Variants in HOXB2 observed in about 807,000 individuals in gnomAD.
HOXB2 encodes homeobox B2.
HOXB2 carries 14 observed loss-of-function variants against 13.1 expected under a neutral mutation model. The ratio of observed to expected loss-of-function variants is 1.07; its 90% CI spans 0.71 to 1.67. The LOEUF is 1.67. Ranked by LOEUF, HOXB2 falls within the 40% of genes most tolerant of loss-of-function variation. HOXB2 has a pLI of 0.00. For missense variants in HOXB2, 582 were observed against 488.3 expected (o/e 1.19, Z -1.81); for synonymous variants, 261 against 233.1 (o/e 1.12, Z -1.09).
At chr17:48,544,091 G>A in intron 1 of HOXB2, 1 of 985,338 alleles carries the variant, frequency 1.0e-6, no homozygotes, top group Non-Finnish European at 1.2e-6. Flanking sequence ...GCGAGGGTCA[G>A]AAAGATTGTT....
rs747142697 is a variant in HOXB2, at chr17:48,544,940, T to TG, written c.-30dup. The TG allele has an allele frequency of 0.012, 3,252 of 270,540 alleles. 42 individuals carry two copies. Among genetic ancestry groups the TG allele is most frequent in the East Asian group, 0.091 (1,450 of 15,878 alleles). The allele number at this position is 270,540 out of a possible 1,614,324, so 16.8% of individuals were successfully genotyped here. ...TTTCAATGGTGGGGGAGGGGGCTGC[T>TG]GGGGGGGGCGTCAGGAGGGAGGATC... On this transcript the variant is annotated 5_prime_UTR_variant, in exon 1 of 2. Transcript: ENST00000330070.
At position 48,544,498 on chromosome 17, in the gene HOXB2, C is replaced by T. The variant is rs1451516720; in HGVS notation, c.391+23G>A. 1.3e-5 allele frequency: 21 copies of T among 1,584,152 alleles called. No homozygotes were observed. The East Asian group carries it at 4.7e-4, about 36-fold the overall frequency. The stretch of plus-strand genomic sequence containing the variant: ...CCCCCTCTTCTAGCTGCCCCTCACC[C>T]CACCCCCACCACGCTTACCGACCTG... On this transcript the variant is annotated intron_variant, in intron 1 of 1. Transcript: ENST00000330070.
Position 48,544,701 on chromosome 17 carries a change from G to T in HOXB2, c.211C>A (p.Arg71=), listed in dbSNP as rs369619610. ...STLQRPRSQK[R]AEDGPALPPP... Reference sequence around the variant, plus strand: ...GGCAGAGCAGGCCCATCTTCGGCTCGCTTTTGGCTCCTGGGTCTCTGAAGG... The same window carrying T: ...GGCAGAGCAGGCCCATCTTCGGCTCTCTTTTGGCTCCTGGGTCTCTGAAGG... The change falls in exon 1 of 2, where the codon CGA becomes AGA. Residue 71 remains arginine (R), a synonymous_variant. Transcript: ENST00000330070. 1 of 1,613,700 alleles carries T rather than the reference G, an allele frequency of 6.2e-7. No homozygotes were observed. The highest frequency in any genetic ancestry group is 8.5e-7 in the Non-Finnish European group (1 of 1,179,962).
At chr17:48,543,954 G>A (rs1192159195) in intron 1 of HOXB2, 5 of 1,324,466 alleles carry the variant, frequency 3.8e-6, no homozygotes, top group Non-Finnish European at 4.8e-6. Context: ...TCAGGGCAAA[G>A]CATTCAGAGC....
At position 48,544,646 on chromosome 17, in the gene HOXB2, G is replaced by GC; in HGVS notation, c.265dup (p.Ala89GlyfsTer77). 1 of 1,612,120 alleles carries GC rather than the reference G, an allele frequency of 6.2e-7. No homozygotes were observed. Among genetic ancestry groups the GC allele is most frequent in the South Asian group, 1.1e-5 (1 of 90,998 alleles). On this transcript the variant is annotated frameshift_variant, in exon 1 of 2. Coordinates refer to ENST00000330070, the MANE Select transcript of HOXB2 (RefSeq NM_002145.4). LOFTEE classifies it high-confidence loss of function. ...CCAAGGGAACTCGGGGGCCGGGGGG[G>GC]CAGCGGGGAGTGGCGGCGGCGGTGG...
rs546062016 is a variant in HOXB2, at chr17:48,543,448, T to C, written c.691A>G (p.Ser231Gly). Residue 231 changes from serine to glycine, a missense_variant, in exon 2 of 2, where the codon AGC (serine) becomes GGC (glycine). By Grantham distance (56) the Ser-to-Gly change is moderately conservative. Coordinates refer to ENST00000330070, the MANE Select transcript of HOXB2 (RefSeq NM_002145.4). ...CGCGAGGCGGAGGGGCCGCCCGGGC[T>C]GGCCGCGGGTTCCTCGGCAGGGTCG... Reference protein sequence around the residue: ...ICDPAEEPAASPGGPSASRAA... With the variant: ...ICDPAEEPAAGPGGPSASRAA... 1.2e-6 allele frequency: 2 copies of C among 1,603,380 alleles called. No individual in the cohort carries two copies. The highest frequency in any genetic ancestry group is 1.1e-5 in the South Asian group (1 of 90,544).
In HOXB2 at chr17:48,544,892, C is replaced by G; in HGVS notation, c.20G>C (p.Arg7Thr). 1 of 1,589,102 alleles carries G rather than the reference C, an allele frequency of 6.3e-7. No homozygotes were observed. Among genetic ancestry groups the G allele is most frequent in the South Asian group, 1.1e-5 (1 of 89,816 alleles). MNFEFEREIGFINSQPS... is the reference protein window; with the variant it reads MNFEFETEIGFINSQPS... ...CTGGCTGTTTATAAACCCAATCTCC[C>G]TCTCAAATTCAAAATTCATGGCTTT... Residue 7 changes from arginine to threonine, a missense_variant, in exon 1 of 2, where the codon AGG (arginine) becomes ACG (threonine). Transcript: ENST00000330070.
At chr17:48,544,011 G>A in intron 1 of HOXB2, 3 of 1,272,508 alleles carry the variant, frequency 2.4e-6, no homozygotes, top group Non-Finnish European at 3.0e-6. Flanking sequence ...CTTCGGCGCC[G>A]GAACCTCAGA....
chr17:48,544,590 T>A lies in HOXB2; in HGVS notation c.322A>T (p.Ser108Cys). The A allele has an allele frequency of 6.2e-7, 1 of 1,608,902 alleles. No individual in the cohort carries two copies. The change falls in exon 1 of 2, where the codon AGC (serine) becomes TGC (cysteine). Residue 108 changes from serine (S) to cysteine (C), a missense_variant. Physicochemically the swap from Ser to Cys is moderately radical, Grantham distance 112 (BLOSUM62 -1). Transcript: ENST00000330070. ...MKEKKSAKKP[S>C]QSATSPSPAA... ...GGAGAAGGAGACGTGGCGGATTGGC[T>A]GGGTTTCTTGGCGGATTTCTTCTCT...
intron 1 of HOXB2, 171 bp from the exon 2 acceptor site, chr17:48,543,918 T>C: frequency 7.3e-7 from 1 of 1,360,694 alleles, no homozygotes; most frequent in Non-Finnish European, 9.4e-7. Flanking sequence ...CTTCTCTCCC[T>C]CTCTAGTCTA....
In HOXB2 at chr17:48,544,940, TGG is replaced by T; in HGVS notation, c.-31_-30del. ...TTTCAATGGTGGGGGAGGGGGCTGC[TGG>T]GGGGGGCGTCAGGAGGGAGGATCGG... On this transcript the variant is annotated 5_prime_UTR_variant, in exon 1 of 2. Transcript: ENST00000330070. 2.9e-5 allele frequency: 8 copies of T among 271,646 alleles called. No individual in the cohort carries two copies. The highest frequency in any genetic ancestry group is 4.7e-5 in the Non-Finnish European group (8 of 170,450). The allele number at this position is 271,646 out of a possible 1,614,324, so 16.8% of individuals were successfully genotyped here.
rs111979968 is a variant in HOXB2, at chr17:48,544,973, A to AC, written c.-63dup. 1,051,963 of 1,054,520 alleles carry AC rather than the reference A, an allele frequency of 1. 524,712 individuals are homozygous for AC. The highest frequency in any genetic ancestry group is 1 in the African/African-American group (55,630 of 55,696). 65.3% of individuals were successfully genotyped at this position (1,054,520 alleles called of 1,614,324 possible). A position where few individuals can be genotyped will look rare whatever the true frequency, so the allele number is the denominator to read the frequency against. On this transcript the variant is annotated 5_prime_UTR_variant, in exon 1 of 2. Coordinates refer to ENST00000330070, the MANE Select transcript of HOXB2 (RefSeq NM_002145.4). Reference sequence around the variant, plus strand: ...GCGTCAGGAGGGAGGATCGGAAGGGACCCCCCTCCTGCACCCCCCCCGATT... The same window carrying AC: ...GCGTCAGGAGGGAGGATCGGAAGGGACCCCCCCTCCTGCACCCCCCCCGATT...
chr17:48,543,724 C>G lies in HOXB2; in HGVS notation c.415G>C (p.Gly139Arg), dbSNP rs774729706. The change falls in exon 2 of 2, where the codon GGT becomes CGT. Residue 139 changes from glycine (G) to arginine (R), a missense_variant. Transcript: ENST00000330070. ...PADGLGLPEA[G>R]GGGARRLRTA... ...CGCAGCCTGCGCGCCCCGCCGCCAC[C>G]AGCCTCCGGCAGTCCCAGGCCATCT... 4 of 1,606,392 alleles carry G rather than the reference C, an allele frequency of 2.5e-6. No homozygotes were observed. Among genetic ancestry groups the G allele is most frequent in the Non-Finnish European group, 3.4e-6 (4 of 1,176,196 alleles).
Position 48,543,191 on chromosome 17 carries a change from G to A in HOXB2, c.948C>T (p.Leu316=). Residue 316 remains leucine (L), a synonymous_variant, in exon 2 of 2, where the codon CTC becomes CTT. Transcript: ENST00000330070. The part of the protein sequence containing the change: ...DLNFFAADSC[L]QLSGGLSPSL... ...TAGGGGAGAGGCCTCCGGATAGCTG[G>A]AGACAGGAGTCGGCCGCGAAGAAGT... is the stretch of plus-strand genomic sequence containing the variant. The A allele has an allele frequency of 6.2e-7, 1 of 1,613,944 alleles. No homozygotes were observed. The highest frequency in any genetic ancestry group is 8.5e-7 in the Non-Finnish European group (1 of 1,180,022).
Position 48,544,940 on chromosome 17 carries a change from T to TGGGGGGGGGGGGGGGGGTGGGG in HOXB2, c.-30_-29insCCCCACCCCCCCCCCCCCCCCC. 3.7e-6 allele frequency: 1 copy of TGGGGGGGGGGGGGGGGGTGGGG among 271,686 alleles called. No individual in the cohort carries two copies. Among genetic ancestry groups the TGGGGGGGGGGGGGGGGGTGGGG allele is most frequent in the Non-Finnish European group, 5.9e-6 (1 of 170,486 alleles). The allele number at this position is 271,686 out of a possible 1,614,324, so 16.8% of individuals were successfully genotyped here. On this transcript the variant is annotated 5_prime_UTR_variant, in exon 1 of 2. Coordinates refer to ENST00000330070, the MANE Select transcript of HOXB2 (RefSeq NM_002145.4). ...TTTCAATGGTGGGGGAGGGGGCTGC[T>TGGGGGGGGGGGGGGGGGTGGGG]GGGGGGGGCGTCAGGAGGGAGGATC... is the stretch of plus-strand genomic sequence containing the variant.
At chr17:48,543,809 A>C (rs867421483) in intron 1 of HOXB2, 62 bp from the exon 2 acceptor site, 1 of 1,508,118 alleles carries the variant, frequency 6.6e-7, no homozygotes. Context: ...CTCAGTTCGG[A>C]CTACCCCATC....
Position 48,542,884 on chromosome 17 carries a change from A to C in HOXB2, c.*184T>G. The C allele has an allele frequency of 2.3e-6, 1 of 436,348 alleles. No homozygotes were observed. Among genetic ancestry groups the C allele is most frequent in the East Asian group, 3.5e-5 (1 of 28,546 alleles). 27.0% of individuals were successfully genotyped at this position (436,348 alleles called of 1,614,324 possible). On this transcript the variant is annotated 3_prime_UTR_variant, in exon 2 of 2. Transcript: ENST00000330070. ...ACGGAATTTTTCTGTGTGAATTTTA[A>C]AAGATAACCGAGTGCCCAATATTTT...
rs2068546322 is a variant in HOXB2, at chr17:48,544,556, G to A, written c.356C>T (p.Ser119Phe). Residue 119 changes from serine to phenylalanine, a missense_variant, in exon 1 of 2, where the codon TCC (serine) becomes TTC (phenylalanine). By Grantham distance (155) the Ser-to-Phe change is radical (BLOSUM62 -2). Transcript: ENST00000330070. ...TCCGACCCCGGAGGCCGGAACGGCG[G>A]AGGCGGCCGGAGAAGGAGACGTGGC... is the stretch of plus-strand genomic sequence containing the variant. ...QSATSPSPAA[S>F]AVPASGVGSP... 1.2e-6 allele frequency: 2 copies of A among 1,606,704 alleles called. No individual in the cohort carries two copies. Among genetic ancestry groups the A allele is most frequent in the African/African-American group, 1.3e-5 (1 of 74,888 alleles).
At position 48,544,827 on chromosome 17, in the gene HOXB2, A is replaced by C; in HGVS notation, c.85T>G (p.Leu29Val). The C allele has an allele frequency of 6.2e-7, 1 of 1,613,806 alleles. No homozygotes were observed. Among genetic ancestry groups the C allele is most frequent in the South Asian group, 1.1e-5 (1 of 91,052 alleles). The change falls in exon 1 of 2, where the codon TTG becomes GTG. Residue 29 changes from leucine to valine, a missense_variant. Leu to Val is a conservative substitution (Grantham distance 32). Coordinates refer to ENST00000330070, the MANE Select transcript of HOXB2 (RefSeq NM_002145.4). ...ATTGATGAAGTTTGAAATGTCTCCAAGACAGCGGGGAAGGAAGTCAGACAC... is the reference window on the plus strand; with the variant it reads ...ATTGATGAAGTTTGAAATGTCTCCACGACAGCGGGGAAGGAAGTCAGACAC... ...AECLTSFPAV[L>V]ETFQTSSIKE...
Sources: allele counts gnomAD v4.1 joint callset, GRCh38; gene constraint gnomAD v4.1.1; transcripts MANE v1.5; gene names NCBI Gene and HGNC (gene_info 2026-07-23, HGNC 2026-07-21).